The following CAST variants were observed in gnomAD, a reference collection of about 807,000 sequenced individuals.
CAST encodes MIR583 host.
CAST carries 76 observed loss-of-function variants against 119.6 expected under a neutral mutation model. The ratio of observed to expected loss-of-function variants is 0.64; its 90% CI spans 0.53 to 0.77. CAST has a LOEUF of 0.77. Ranked by LOEUF, CAST falls within the 30% of genes least tolerant of loss-of-function variation. The probability of loss-of-function intolerance (pLI) is 0.00; values close to 1 mark genes in which losing one functional copy is unlikely to be tolerated. For missense variants in CAST, 953 were observed against 946.5 expected (o/e 1.01, Z -0.09); for synonymous variants, 319 against 331.6 (o/e 0.96, Z 0.41).
the CAST span, among the ~76,000 whole-genome samples, chr5:96,077,168 A>G: frequency 6.6e-6 from 1 of 152,018 alleles, no homozygotes; most frequent in Non-Finnish European, 1.5e-5. Context: ...GTAAATGTAT[A>G]TCATAAATAA....
At chr5:96,511,559 C>T in the CAST span, among the ~76,000 whole-genome samples, 4 of 152,220 alleles carry the variant, frequency 2.6e-5, no homozygotes, top group Non-Finnish European at 5.9e-5. Context: ...CCTCTCCTAA[C>T]CCCTCCTCTC....
chr5:96,252,300 A>G, the CAST span, among the ~76,000 whole-genome samples: 2 of 152,126 alleles, frequency 1.3e-5, no homozygotes, highest in Non-Finnish European at 2.9e-5. Flanking sequence ...GTGAATTTCA[A>G]TTACTATTGT....
the CAST span, among the ~76,000 whole-genome samples, chr5:95,967,392 A>G: frequency 6.8e-6 from 1 of 146,042 alleles, no homozygotes; most frequent in East Asian, 2.1e-4. Context: ...ATTCCAGCCC[A>G]GACAATGTAG....
the CAST span, among the ~76,000 whole-genome samples, chr5:96,035,005 C>T: frequency 6.3e-5 from 9 of 141,824 alleles, no homozygotes; most frequent in East Asian, 2.0e-4. Flanking sequence ...TTTCTTCATC[C>T]GTTCATTCAA....
the CAST span, among the ~76,000 whole-genome samples, chr5:96,000,687 T>C: frequency 3.7e-3 from 571 of 152,346 alleles, 5 homozygotes; most frequent in African/African-American, 0.013. Flanking sequence ...AGTGGCTTTG[T>C]TGTCTTCAGG....
chr5:96,691,803 C>T lies in CAST; in HGVS notation c.139-4033C>T, dbSNP rs549315410. 7.2e-5 allele frequency among the ~76,000 whole-genome samples: 11 copies of T among 152,302 alleles called. No individual in the cohort carries two copies. In the South Asian group the frequency reaches 2.1e-3, roughly 29 times the overall value. On this transcript the variant is annotated intron_variant, in intron 2 of 31. Coordinates refer to ENST00000675179, the MANE Select transcript of CAST (RefSeq NM_001750.7). ...TTGCTATATAAATCATAAGATAGAA[C>T]CATTATCCTAGAGAATGTGGTGCCT... is the stretch of plus-strand genomic sequence containing the variant.
chr5:96,376,825 CCT>C, the CAST span, among the ~76,000 whole-genome samples: 1 of 152,042 alleles, frequency 6.6e-6, no homozygotes, highest in South Asian at 2.1e-4. Flanking sequence ...TCAGGTAGGT[CCT>C]TCAGGAGGTA....
At chr5:95,966,260 T>TAAAACCCTCCCTAGCCTTGTA in the CAST span, among the ~76,000 whole-genome samples, 5 of 152,280 alleles carry the variant, frequency 3.3e-5, no homozygotes, top group South Asian at 8.3e-4. Flanking sequence ...GAAGGGAGGC[T>TAAAACCCTCCCTAGCCTTGTA]AAAACCCTCC....
At position 96,741,068 on chromosome 5, in the gene CAST, AG is replaced by A; in HGVS notation, c.919-193del. ...GAATGAGAATGTAACTCCTTTTGAAAGGGGGAAGTGGAAAATAATACTCAAT... is the reference window on the plus strand; with the variant it reads ...GAATGAGAATGTAACTCCTTTTGAAAGGGGAAGTGGAAAATAATACTCAAT... On this transcript the variant is annotated intron_variant, in intron 13 of 31. Transcript: ENST00000675179. The A allele has an allele frequency of 5.0e-6, 3 of 594,846 alleles. No individual in the cohort carries two copies. The East Asian group carries it at 8.4e-5, about 17-fold the overall frequency. The allele number at this position is 594,846 out of a possible 1,614,324, so 36.8% of individuals were successfully genotyped here.
chr5:96,345,013 G>A, the CAST span, among the ~76,000 whole-genome samples: 1 of 152,110 alleles, frequency 6.6e-6, no homozygotes, highest in Admixed American at 6.5e-5. Flanking sequence ...GGCTTGATGT[G>A]CTTATGTGTA....
intron 1 of CAST, among the ~76,000 whole-genome samples, chr5:96,582,126 C>A (rs1408244484): frequency 6.6e-6 from 1 of 152,142 alleles, no homozygotes; most frequent in South Asian, 2.1e-4. Flanking sequence ...TGCATTATTT[C>A]TAAGTTTCCT....
rs1382889696 is a variant in CAST, at chr5:96,773,088, C to CT, written c.*473dup. ...TTCTGATTTCTTATTACCCCCTTTCCTCTTGGGCTTTTGAACTGTATTTGA... is the reference window on the plus strand; with the variant it reads ...TTCTGATTTCTTATTACCCCCTTTCCTTCTTGGGCTTTTGAACTGTATTTGA... On this transcript the variant is annotated 3_prime_UTR_variant, in exon 32 of 32. Coordinates refer to ENST00000675179, the MANE Select transcript of CAST (RefSeq NM_001750.7). 2 of 153,720 alleles carry CT rather than the reference C, an allele frequency of 1.3e-5. No homozygotes were observed. Among genetic ancestry groups the CT allele is most frequent in the Non-Finnish European group, 2.9e-5 (2 of 67,998 alleles). The allele number at this position is 153,720 out of a possible 1,614,324, so 9.5% of individuals were successfully genotyped here. A position where few individuals can be genotyped will look rare whatever the true frequency, so the allele number is the denominator to read the frequency against.
At chr5:96,607,112 A>C (rs111951438) in intron 1 of CAST, among the ~76,000 whole-genome samples, 21,153 of 151,980 alleles carry the variant, frequency 0.14, 1,940 homozygotes, top group African/African-American at 0.27. Flanking sequence ...CACAGGGAAA[A>C]CCCATCTCTA....
At chr5:96,437,541 A>G in the CAST span, among the ~76,000 whole-genome samples, 24 of 152,276 alleles carry the variant, frequency 1.6e-4, no homozygotes, top group Admixed American at 2.6e-4. Flanking sequence ...TCTGCTCCTG[A>G]AGTATGTCTT....
At chr5:96,703,205 T>TGTGGCCCGGTACAA (rs375965815) in intron 3 of CAST, among the ~76,000 whole-genome samples, 4 of 152,094 alleles carry the variant, frequency 2.6e-5, no homozygotes, top group Non-Finnish European at 5.9e-5. Context: ...AAGGGATTTG[T>TGTGGCCCGGTACAA]GTGGCCCGGT....
chr5:96,222,795 G>A, the CAST span, among the ~76,000 whole-genome samples: 1 of 152,024 alleles, frequency 6.6e-6, no homozygotes, highest in Non-Finnish European at 1.5e-5. Flanking sequence ...AAGTATATCA[G>A]AGTGATACCT....
intron 3 of CAST, among the ~76,000 whole-genome samples, chr5:96,701,072 C>T (rs1251093374): frequency 1.3e-5 from 2 of 152,068 alleles, no homozygotes; most frequent in African/African-American, 2.4e-5. Context: ...GGATTACAGG[C>T]AAGCACCACC....
the CAST span, among the ~76,000 whole-genome samples, chr5:96,030,823 T>C: frequency 2.4e-4 from 36 of 152,272 alleles, no homozygotes; most frequent in Non-Finnish European, 4.7e-4. Context: ...AAAAGGAGGA[T>C]TACTTGAGGC....
chr5:96,212,658 T>C, the CAST span, among the ~76,000 whole-genome samples: 8 of 152,214 alleles, frequency 5.3e-5, no homozygotes, highest in African/African-American at 1.9e-4. Flanking sequence ...AGTTATTATA[T>C]CAATTGTTGA....
Sources: gnomAD v4.1 joint callset for allele counts (sites outside exome capture counted in the v4.1 genomes callset) on GRCh38, gnomAD v4.1.1 for gene constraint, MANE v1.5 for transcripts, NCBI Gene and HGNC (gene_info 2026-07-23, HGNC 2026-07-21) for gene names.